GPC5: variants seen among roughly 807,000 people sequenced by gnomAD.
GPC5 encodes glypican 5.
A neutral mutation model predicts 53.9 loss-of-function variants in GPC5; 47 were observed. The observed-to-expected ratio is 0.87, with a 90% confidence interval of 0.69 to 1.11. The LOEUF (loss-of-function observed/expected upper bound fraction) is 1.11, where lower values mean the gene tolerates loss of function less well. GPC5 is among the 50% of genes most tolerant of loss of function. The probability of loss-of-function intolerance (pLI) is 0.00; values close to 1 mark genes in which losing one functional copy is unlikely to be tolerated. For missense variants in GPC5, 748 were observed against 713.1 expected, an observed-to-expected ratio of 1.05 and a Z score of -0.56; for synonymous variants, 286 against 263.3, an observed-to-expected ratio of 1.09 and a Z score of -0.84.
chr13:91,568,559 T>C (rs572185711), intron 2 of GPC5, among the ~76,000 whole-genome samples: 22 of 141,746 alleles, frequency 1.6e-4, no homozygotes, highest in Admixed American at 1.4e-3. Context: ...AGAGCTTTTA[T>C]TGAAAAAAAA....
chr13:91,655,314 T>C (rs914890093), intron 2 of GPC5, among the ~76,000 whole-genome samples: 1 of 152,120 alleles, frequency 6.6e-6, no homozygotes, highest in African/African-American at 2.4e-5. Context: ...TGTACACATA[T>C]GTATGTATAC....
intron 5 of GPC5, among the ~76,000 whole-genome samples, chr13:91,861,364 A>G (rs2039026054): frequency 6.6e-6 from 1 of 152,142 alleles, no homozygotes; most frequent in African/African-American, 2.4e-5. Context: ...AGTTCTGCTT[A>G]CTTTCCTTCA....
intron 5 of GPC5, among the ~76,000 whole-genome samples, chr13:91,767,311 A>C (rs565946600): frequency 5.3e-5 from 8 of 152,354 alleles, no homozygotes; most frequent in African/African-American, 1.9e-4. Flanking sequence ...AGTGATAGTC[A>C]CTTGAACCCA....
intron 2 of GPC5, among the ~76,000 whole-genome samples, chr13:91,526,239 A>G (rs1886081603): frequency 6.6e-6 from 1 of 152,228 alleles, no homozygotes; most frequent in African/African-American, 2.4e-5. Flanking sequence ...CTGTTTCACA[A>G]GTTGTCGTTA....
At chr13:92,521,205 G>A (rs989989114) in intron 7 of GPC5, among the ~76,000 whole-genome samples, 16 of 152,118 alleles carry the variant, frequency 1.1e-4, no homozygotes, top group African/African-American at 3.9e-4. Context: ...TACTGCCCAA[G>A]GTAATTTACA....
chr13:91,642,348 G>A (rs2034450265), intron 2 of GPC5, among the ~76,000 whole-genome samples: 1 of 152,214 alleles, frequency 6.6e-6, no homozygotes, highest in Non-Finnish European at 1.5e-5. Context: ...CGTAAACACA[G>A]TGAAGAGACG....
intron 7 of GPC5, among the ~76,000 whole-genome samples, chr13:92,273,883 A>G (rs546675454): frequency 2.6e-5 from 4 of 152,100 alleles, no homozygotes; most frequent in Non-Finnish European, 5.9e-5. Context: ...ATTATCCAAT[A>G]CCTGCAAATA....
chr13:91,574,328 G>T (rs1249310790), intron 2 of GPC5, among the ~76,000 whole-genome samples: 2 of 152,096 alleles, frequency 1.3e-5, no homozygotes, highest in Non-Finnish European at 2.9e-5. Context: ...GATAAGATAT[G>T]ATTTAAAGTC....
intron 7 of GPC5, among the ~76,000 whole-genome samples, chr13:92,264,640 G>A (rs2042789144): frequency 6.6e-6 from 1 of 151,556 alleles, no homozygotes; most frequent in Non-Finnish European, 1.5e-5. Flanking sequence ...GAGCTGCTGA[G>A]TTCAACCTAT....
intron 7 of GPC5, among the ~76,000 whole-genome samples, chr13:92,569,227 T>G (rs1330762223): frequency 6.6e-6 from 1 of 151,702 alleles, no homozygotes; most frequent in African/African-American, 2.4e-5. Flanking sequence ...GATTTCCAAT[T>G]TCATCCATGT....
rs74623041 is a variant in GPC5, at chr13:91,910,174, T to C, written c.1401+2117T>C. On this transcript the variant is annotated intron_variant, in intron 6 of 7. Transcript: ENST00000377067. ...TAATGCCTAAGAATATGCTCTTTCA[T>C]AAACTGCTCTCCTGGAGATGAAGAG... 4.6e-3 allele frequency among the ~76,000 whole-genome samples: 698 copies of C among 152,326 alleles called. 7 individuals are homozygous for C. Among genetic ancestry groups the C allele is most frequent in the African/African-American group, 0.015 (632 of 41,584 alleles).
intron 7 of GPC5, among the ~76,000 whole-genome samples, chr13:92,276,986 G>GTC (rs564444466): frequency 2.0e-5 from 3 of 151,086 alleles, no homozygotes; most frequent in Non-Finnish European, 4.4e-5. Flanking sequence ...ATTACTTTTA[G>GTC]TCTCTCTCTC....
At position 91,671,484 on chromosome 13, in the gene GPC5, A is replaced by G. The variant is rs1000837837; in HGVS notation, c.326-21703A>G. Among the ~76,000 whole-genome samples the G allele has an allele frequency of 7.2e-5, 11 of 152,086 alleles. No individual in the cohort carries two copies. In the East Asian group the frequency reaches 1.7e-3, roughly 24 times the overall value. On this transcript the variant is annotated intron_variant, in intron 2 of 7. Coordinates refer to ENST00000377067, the MANE Select transcript of GPC5 (RefSeq NM_004466.6). ...TTCAAGAATTTTTGGGGCTGAGATT[A>G]TGGGGTTTTCTAAATACCTAGGAAT...
At chr13:92,370,736 G>T (rs2043643542) in intron 7 of GPC5, among the ~76,000 whole-genome samples, 2 of 152,092 alleles carry the variant, frequency 1.3e-5, no homozygotes, top group South Asian at 4.1e-4. Context: ...TTACCCAAAA[G>T]AGTTTAATTT....
intron 7 of GPC5, among the ~76,000 whole-genome samples, chr13:92,368,646 A>AC (rs1172007726): frequency 1.3e-5 from 2 of 151,310 alleles, no homozygotes; most frequent in Non-Finnish European, 2.9e-5. Flanking sequence ...AAAAAAAAAA[A>AC]AAAAAAAAAA....
chr13:91,894,460 T>C (rs992122296), intron 5 of GPC5, among the ~76,000 whole-genome samples: 2 of 152,174 alleles, frequency 1.3e-5, no homozygotes, highest in Admixed American at 1.3e-4. Flanking sequence ...ATGATGACCA[T>C]TGATCCAACA....
chr13:92,385,758 T>TATATATACGTATATATGTATATATATAC lies in GPC5; in HGVS notation c.1561+240785_1561+240786insGTATATATATACATATATACGTATATAT, dbSNP rs1874669408. On this transcript the variant is annotated intron_variant, in intron 7 of 7. Coordinates refer to ENST00000377067, the MANE Select transcript of GPC5 (RefSeq NM_004466.6). ...ATATATACGTATATATACACGTGTA[T>TATATATACGTATATATGTATATATATAC]ATATATACGTATATATACATATATG... Among the ~76,000 whole-genome samples the TATATATACGTATATATGTATATATATAC allele has an allele frequency of 3.2e-5, 3 of 95,152 alleles. No homozygotes were observed. In the Admixed American group the frequency reaches 3.4e-4, roughly 11 times the overall value. The allele number at this position is 95,152 out of a possible 152,430, so 62.4% of individuals were successfully genotyped here.
intron 7 of GPC5, among the ~76,000 whole-genome samples, chr13:92,579,882 G>A (rs1008832364): frequency 6.6e-6 from 1 of 151,990 alleles, no homozygotes; most frequent in Non-Finnish European, 1.5e-5. Flanking sequence ...TTTTCACTAT[G>A]TATGCTTAAC....
chr13:91,601,748 T>G (rs531581624), intron 2 of GPC5, among the ~76,000 whole-genome samples: 1 of 152,320 alleles, frequency 6.6e-6, no homozygotes, highest in Admixed American at 6.5e-5. Flanking sequence ...GAAAACAAGC[T>G]CAGGGCTCCC....
Sources: allele counts gnomAD v4.1 joint callset (sites outside exome capture counted in the v4.1 genomes callset), GRCh38; gene constraint gnomAD v4.1.1; transcripts MANE v1.5; gene names NCBI Gene and HGNC (gene_info 2026-07-23, HGNC 2026-07-21).